The following TANC1 variants were observed in gnomAD, a reference collection of about 807,000 sequenced individuals.
The protein encoded by TANC1 is tetratricopeptide repeat, ankyrin repeat and coiled-coil containing 1.
Under a neutral mutation model 149.7 loss-of-function variants are expected in TANC1, and 77 were observed. That is an observed-to-expected ratio of 0.51 (90% CI 0.43 to 0.62). TANC1 has a LOEUF of 0.62. Among genes scored for constraint, TANC1 ranks in the 20% least tolerant of loss-of-function variants. The pLI is 0.00. For missense variants in TANC1, 1,985 were observed against 2,321.8 expected (o/e 0.85, Z 2.98); for synonymous variants, 854 against 925.0 (o/e 0.92, Z 1.39).
chr2:158,976,593 T>C (rs1251600830), intron 1 of TANC1, among the ~76,000 whole-genome samples: 3 of 152,190 alleles, frequency 2.0e-5, no homozygotes, highest in Non-Finnish European at 4.4e-5. Flanking sequence ...TCAAAAATTA[T>C]GTATGGGCTG....
At chr2:159,073,056 A>G (rs909103828) in intron 3 of TANC1, among the ~76,000 whole-genome samples, 1 of 152,194 alleles carries the variant, frequency 6.6e-6, no homozygotes, top group African/African-American at 2.4e-5. Flanking sequence ...TTTTCTCTTT[A>G]TGAAGTTAAA....
At position 159,227,966 on chromosome 2, in the gene TANC1, G is replaced by A. The variant is rs758181211; in HGVS notation, c.4050+1G>A. On this transcript the variant is annotated splice_donor_variant, in intron 25 of 26. Transcript: ENST00000263635. LOFTEE classifies it high-confidence loss of function. ...GTCGCGATGCCGAAGAAAAACAAAT[G>A]TAAGCTGTGCCCCTTTATTCCAACC... 6.2e-7 allele frequency: 1 copy of A among 1,611,494 alleles called. No individual in the cohort carries two copies. The highest frequency in any genetic ancestry group is 1.1e-5 in the South Asian group (1 of 90,776).
Position 159,163,310 on chromosome 2 carries a change from A to G in TANC1, c.710A>G (p.Asp237Gly), listed in dbSNP as rs1298368382. Residue 237 changes from aspartate (D) to glycine (G), a missense_variant, in exon 8 of 27, where the codon GAT becomes GGT. Around this residue, in one of 3 missense-constraint regions of TANC1, gnomAD observed 557 missense variants for 612.9 expected, o/e 0.91. Coordinates refer to ENST00000263635, the MANE Select transcript of TANC1 (RefSeq NM_033394.3). ...IATITSSSEN[D>G]DRSGSSLEWN... ...ACAATTACAAGTTCATCCGAAAATGATGACCGGAGTGGCTCCAGTTTGGAA... is the reference window on the plus strand; with the variant it reads ...ACAATTACAAGTTCATCCGAAAATGGTGACCGGAGTGGCTCCAGTTTGGAA... 3 of 1,613,396 alleles carry G rather than the reference A, an allele frequency of 1.9e-6. No individual in the cohort carries two copies. Among genetic ancestry groups the G allele is most frequent in the Non-Finnish European group, 2.5e-6 (3 of 1,179,786 alleles).
intron 19 of TANC1, among the ~76,000 whole-genome samples, chr2:159,207,670 GC>G (rs1466140885): frequency 5.2e-5 from 6 of 116,130 alleles, no homozygotes; most frequent in African/African-American, 1.9e-4. Flanking sequence ...CTGTACTCCA[GC>G]CTGGGCGACT....
chr2:159,057,255 C>T (rs76648506), intron 2 of TANC1, among the ~76,000 whole-genome samples: 280 of 152,342 alleles, frequency 1.8e-3, no homozygotes, highest in Non-Finnish European at 3.2e-3. Flanking sequence ...CTCTCATCTA[C>T]AGGGCTATCC....
rs747162786 is a variant in TANC1, at chr2:159,219,215, G to GT, written c.3379-22dup. The GT allele has an allele frequency of 6.8e-6, 11 of 1,613,688 alleles. No individual in the cohort carries two copies. In the African/African-American group the frequency reaches 1.5e-4, roughly 22 times the overall value. ...TGGTGGAAAATGCAGCAGGAGGATG[G>GT]TAATTCCAAATGTCTCTTCCAGATT... On this transcript the variant is annotated intron_variant, in intron 20 of 26. Coordinates refer to ENST00000263635, the MANE Select transcript of TANC1 (RefSeq NM_033394.3).
At chr2:159,176,248 C>T in intron 12 of TANC1, 104 bp from the exon 13 acceptor site, 1 of 600,408 alleles carries the variant, frequency 1.7e-6, no homozygotes, top group Non-Finnish European at 2.8e-6. Flanking sequence ...ATATGTAAAC[C>T]TTTTTAGTTT....
intron 2 of TANC1, among the ~76,000 whole-genome samples, chr2:159,025,700 T>G (rs1009908555): frequency 2.6e-5 from 4 of 152,216 alleles, no homozygotes; most frequent in African/African-American, 7.2e-5. Flanking sequence ...TATAATACCA[T>G]ATTTTTATTT....
intron 2 of TANC1, among the ~76,000 whole-genome samples, chr2:159,054,502 G>A (rs909596191): frequency 1.6e-4 from 25 of 152,192 alleles, no homozygotes; most frequent in African/African-American, 2.4e-4. Context: ...GTGGAGGAGC[G>A]TTTTTGATGT....
At chr2:159,053,101 G>A (rs2149601524) in intron 2 of TANC1, among the ~76,000 whole-genome samples, 1 of 151,370 alleles carries the variant, frequency 6.6e-6, no homozygotes, top group African/African-American at 2.4e-5. Flanking sequence ...CCTCATTTGA[G>A]ACTAGATTTG....
chr2:159,022,480 T>C (rs1238085589), intron 2 of TANC1, among the ~76,000 whole-genome samples: 1 of 152,132 alleles, frequency 6.6e-6, no homozygotes, highest in African/African-American at 2.4e-5. Flanking sequence ...GCACGGTGGT[T>C]CACGCCTGTA....
intron 23 of TANC1, chr2:159,224,657 G>T (rs1575365584): frequency 6.0e-6 from 2 of 335,014 alleles, no homozygotes; most frequent in Non-Finnish European, 1.1e-5. Flanking sequence ...GTGGGGTGGG[G>T]CCGGGTAGTG....
chr2:159,136,057 C>A, intron 4 of TANC1, 137 bp from the exon 5 acceptor site: 11 of 497,086 alleles, frequency 2.2e-5, no homozygotes, highest in East Asian at 1.4e-4. Flanking sequence ...TGTGCGCGCG[C>A]GCGCGTTTAA....
chr2:159,147,104 G>A (rs1349765834), intron 5 of TANC1, among the ~76,000 whole-genome samples: 1 of 152,162 alleles, frequency 6.6e-6, no homozygotes, highest in African/African-American at 2.4e-5. Flanking sequence ...GGCCCTGTTT[G>A]TTGTGGAGGT....
At chr2:159,113,489 T>C (rs2047956759) in intron 4 of TANC1, among the ~76,000 whole-genome samples, 1 of 152,194 alleles carries the variant, frequency 6.6e-6, no homozygotes, top group African/African-American at 2.4e-5. Flanking sequence ...TTTGAGAGGA[T>C]TGGAAGGAAT....
At chr2:159,057,871 C>G (rs1044275832) in intron 2 of TANC1, among the ~76,000 whole-genome samples, 1 of 152,202 alleles carries the variant, frequency 6.6e-6, no homozygotes, top group African/African-American at 2.4e-5. Flanking sequence ...TTTGCTTTCT[C>G]TAATATATCT....
At chr2:159,087,290 C>G (rs1308128013) in intron 3 of TANC1, among the ~76,000 whole-genome samples, 1 of 152,062 alleles carries the variant, frequency 6.6e-6, no homozygotes, top group East Asian at 1.9e-4. Flanking sequence ...TGTTTTTTCT[C>G]TGAAGGAACT....
intron 19 of TANC1, among the ~76,000 whole-genome samples, chr2:159,200,801 A>G (rs1002479399): frequency 6.6e-6 from 1 of 152,200 alleles, no homozygotes; most frequent in African/African-American, 2.4e-5. Flanking sequence ...CACTGGGGAA[A>G]GACCCACTTC....
At chr2:159,129,189 A>T (rs1434430887) in intron 4 of TANC1, among the ~76,000 whole-genome samples, 1 of 152,230 alleles carries the variant, frequency 6.6e-6, no homozygotes, top group Non-Finnish European at 1.5e-5. Flanking sequence ...TATTGCTTTC[A>T]TATAAATATA....
Sources: gnomAD v4.1 joint callset for allele counts (sites outside exome capture counted in the v4.1 genomes callset) on GRCh38, gnomAD v4.1.1 for gene constraint, gnomAD v4.1.1 regional missense constraint, MANE v1.5 for transcripts, NCBI Gene and HGNC (gene_info 2026-07-23, HGNC 2026-07-21) for gene names.